The following PCCA variants were observed in gnomAD, a reference collection of about 807,000 sequenced individuals.
PCCA encodes the protein propionyl-CoA carboxylase alpha chain, mitochondrial.
Under a neutral mutation model 101.3 loss-of-function variants are expected in PCCA, and 74 were observed. The observed-to-expected ratio is 0.73, with a 90% confidence interval of 0.61 to 0.89. PCCA has a LOEUF of 0.89. PCCA is among the 40% of genes least tolerant of loss of function. PCCA has a pLI of 0.00. For missense variants in PCCA, 891 were observed against 907.0 expected (o/e 0.98, Z 0.23); for synonymous variants, 294 against 313.6 (o/e 0.94, Z 0.66).
intron 4 of PCCA, among the ~76,000 whole-genome samples, chr13:100,122,917 C>G (rs2049550512): frequency 6.6e-6 from 1 of 152,184 alleles, no homozygotes; most frequent in Admixed American, 6.5e-5. Context: ...GGATCTCATT[C>G]ATGAGGTCTC....
intron 4 of PCCA, among the ~76,000 whole-genome samples, chr13:100,136,625 T>C (rs2051208944): frequency 6.6e-6 from 1 of 152,228 alleles, no homozygotes; most frequent in South Asian, 2.1e-4. Context: ...TGTGTTTTGT[T>C]AGCTTTGTGT....
At chr13:100,153,682 AC>A (rs1436094854) in intron 4 of PCCA, among the ~76,000 whole-genome samples, 1 of 152,160 alleles carries the variant, frequency 6.6e-6, no homozygotes, top group Admixed American at 6.5e-5. Context: ...ATACCAGGCA[AC>A]GATAACCACG....
chr13:100,105,908 T>C (rs916889450), intron 2 of PCCA, among the ~76,000 whole-genome samples: 2 of 149,614 alleles, frequency 1.3e-5, no homozygotes, highest in Non-Finnish European at 3.0e-5. Flanking sequence ...AAACGGGCTG[T>C]CATTGAGGAA....
chr13:100,387,152 C>T (rs1239567332), intron 19 of PCCA, among the ~76,000 whole-genome samples: 1 of 152,126 alleles, frequency 6.6e-6, no homozygotes, highest in African/African-American at 2.4e-5. Flanking sequence ...ACTTCCAACT[C>T]GGAGACAGTT....
intron 21 of PCCA, among the ~76,000 whole-genome samples, chr13:100,462,397 G>A (rs1277955820): frequency 1.3e-5 from 2 of 152,234 alleles, no homozygotes; most frequent in East Asian, 3.9e-4. Flanking sequence ...CTAGGAAGTG[G>A]GTTAGTTGAA....
chr13:100,483,405 G>A (rs576713353), intron 21 of PCCA, among the ~76,000 whole-genome samples: 1 of 152,166 alleles, frequency 6.6e-6, no homozygotes, highest in Non-Finnish European at 1.5e-5. Flanking sequence ...ACACTTAGCC[G>A]GAGACACCTT....
intron 19 of PCCA, among the ~76,000 whole-genome samples, chr13:100,374,258 T>C (rs929633738): frequency 2.0e-5 from 3 of 152,212 alleles, no homozygotes; most frequent in African/African-American, 7.2e-5. Flanking sequence ...TTCTGATTTC[T>C]GAATACAGCT....
At chr13:100,251,811 T>C (rs2152547829) in intron 8 of PCCA, among the ~76,000 whole-genome samples, 1 of 152,382 alleles carries the variant, frequency 6.6e-6, no homozygotes, top group South Asian at 2.1e-4. Flanking sequence ...CAATATCAAC[T>C]ATGTTGTATT....
chr13:100,340,186 C>G lies in PCCA; in HGVS notation c.1570C>G (p.Gln524Glu). 1.2e-6 allele frequency: 2 copies of G among 1,607,484 alleles called. No individual in the cohort carries two copies. Among genetic ancestry groups the G allele is most frequent in the Non-Finnish European group, 1.7e-6 (2 of 1,173,960 alleles). Residue 524 changes from glutamine to glutamate, a missense_variant, in exon 18 of 24, where the codon CAG (glutamine) becomes GAG (glutamate). Gln to Glu is a conservative substitution (Grantham distance 29). Transcript: ENST00000376285. ...CATGCTAACCAAGAGTGAGAAGAAC[C>G]AGTTATTGGCAATAGCATCATCATT... Reference protein sequence around the residue: ...GHMLTKSEKNQLLAIASSLFV... With the variant: ...GHMLTKSEKNELLAIASSLFV...
intron 2 of PCCA, among the ~76,000 whole-genome samples, chr13:100,103,797 G>A (rs981537464): frequency 4.6e-5 from 7 of 151,050 alleles, no homozygotes; most frequent in Non-Finnish European, 7.4e-5. Flanking sequence ...CACCACGCCC[G>A]TCTAATTTTT....
chr13:100,328,107 G>A (rs1185234075), intron 16 of PCCA, among the ~76,000 whole-genome samples: 1 of 152,148 alleles, frequency 6.6e-6, no homozygotes, highest in Non-Finnish European at 1.5e-5. Context: ...GCTCACGCCT[G>A]TAATCCTAGC....
chr13:100,268,026 G>T (rs563522569), intron 10 of PCCA, among the ~76,000 whole-genome samples: 3 of 152,234 alleles, frequency 2.0e-5, no homozygotes, highest in African/African-American at 7.2e-5. Context: ...ATACCTGCTG[G>T]TTGGGTATCC....
intron 12 of PCCA, among the ~76,000 whole-genome samples, chr13:100,299,022 T>G (rs1166305247): frequency 6.6e-6 from 1 of 152,086 alleles, no homozygotes; most frequent in Non-Finnish European, 1.5e-5. Context: ...TTAATTTCTT[T>G]TACCTGGAAA....
In PCCA at chr13:100,157,841, C is replaced by T. The variant is rs1011177862; in HGVS notation, c.468+501C>T. Among the ~76,000 whole-genome samples the T allele has an allele frequency of 2.7e-5, 4 of 149,066 alleles. No homozygotes were observed. In the East Asian group the frequency reaches 5.9e-4, roughly 22 times the overall value. On this transcript the variant is annotated intron_variant, in intron 6 of 23. Transcript: ENST00000376285. ...ACTTCATTCAAGATGGTACTGAAAC[C>T]TTATTTTTTAGGTACTAGAATATGA... is the stretch of plus-strand genomic sequence containing the variant.
At chr13:100,417,258 C>T (rs772739479) in intron 19 of PCCA, among the ~76,000 whole-genome samples, 15 of 152,200 alleles carry the variant, frequency 9.9e-5, no homozygotes, top group South Asian at 6.2e-4. Flanking sequence ...ACTGTACCCA[C>T]CAAAGCCTTG....
chr13:100,363,292 T>G (rs1026515192), intron 18 of PCCA, among the ~76,000 whole-genome samples: 11 of 152,124 alleles, frequency 7.2e-5, no homozygotes, highest in Admixed American at 5.2e-4. Flanking sequence ...ATCTAAAGTT[T>G]CATTAAAATT....
chr13:100,318,242 A>G (rs1367025967), intron 16 of PCCA, among the ~76,000 whole-genome samples: 1 of 152,112 alleles, frequency 6.6e-6, no homozygotes, highest in Non-Finnish European at 1.5e-5. Flanking sequence ...TCCTTTGCTC[A>G]TACTCAGACC....
chr13:100,237,463 T>G (rs1027338554), intron 8 of PCCA: 1 of 152,192 alleles, frequency 6.6e-6, no homozygotes, highest in Non-Finnish European at 1.5e-5. Flanking sequence ...ATAGGAACAT[T>G]TGCTCGACTG....
intron 7 of PCCA, among the ~76,000 whole-genome samples, chr13:100,235,005 G>A (rs1157171632): frequency 5.3e-5 from 8 of 152,092 alleles, no homozygotes; most frequent in Non-Finnish European, 1.2e-4. Context: ...GTCCTGTGTT[G>A]GATGTGTTAG....
Sources: allele counts gnomAD v4.1 joint callset (sites outside exome capture counted in the v4.1 genomes callset), GRCh38; gene constraint gnomAD v4.1.1; transcripts MANE v1.5; gene names NCBI Gene and HGNC (gene_info 2026-07-23, HGNC 2026-07-21).